FHIT: variants seen among roughly 807,000 people sequenced by gnomAD.
FHIT encodes bis(5'-adenosyl)-triphosphatase.
In FHIT, 19 loss-of-function variants were observed where a neutral mutation model predicts 17.9. That is an observed-to-expected ratio of 1.06 (90% CI 0.74 to 1.56). The LOEUF (loss-of-function observed/expected upper bound fraction) is 1.56, where lower values mean the gene tolerates loss of function less well. Among genes scored for constraint, FHIT ranks in the 40% most tolerant of loss-of-function variants. The pLI is 0.00. For synonymous variants in FHIT, 81 were observed against 69.7 expected (o/e 1.16, Z -0.81); for missense variants, 248 against 189.2 (o/e 1.31, Z -1.82).
intron 4 of FHIT, among the ~76,000 whole-genome samples, chr3:60,723,393 G>A (rs1408550215): frequency 6.6e-6 from 1 of 152,132 alleles, no homozygotes; most frequent in African/African-American, 2.4e-5. Context: ...CTAAATTATA[G>A]AGTGGCCACT....
At chr3:60,139,627 T>C (rs1699952653) in intron 5 of FHIT, among the ~76,000 whole-genome samples, 1 of 152,044 alleles carries the variant, frequency 6.6e-6, no homozygotes, top group African/African-American at 2.4e-5. Context: ...CCCCTGACTA[T>C]GAGGGTGGGA....
intron 3 of FHIT, among the ~76,000 whole-genome samples, chr3:60,957,672 TG>T (rs1246970552): frequency 2.0e-5 from 3 of 152,206 alleles, no homozygotes; most frequent in African/African-American, 4.8e-5. Flanking sequence ...CATACAAAAC[TG>T]GGAGACACAG....
chr3:61,035,105 T>C (rs2033178547), intron 3 of FHIT, among the ~76,000 whole-genome samples: 1 of 152,110 alleles, frequency 6.6e-6, no homozygotes, highest in Admixed American at 6.5e-5. Flanking sequence ...TCCACATAGA[T>C]AGAATACAGA....
intron 5 of FHIT, among the ~76,000 whole-genome samples, chr3:60,330,474 A>G (rs1415210238): frequency 6.6e-6 from 1 of 152,204 alleles, no homozygotes; most frequent in Non-Finnish European, 1.5e-5. Flanking sequence ...ATGTGTGCCC[A>G]TCCAGGCATG....
chr3:60,941,672 T>C (rs1168072673), intron 3 of FHIT, among the ~76,000 whole-genome samples: 1 of 152,238 alleles, frequency 6.6e-6, no homozygotes, highest in Non-Finnish European at 1.5e-5. Flanking sequence ...TTAATGCGTT[T>C]AGCTCATACA....
At chr3:61,061,532 A>G (rs1203047593) in intron 2 of FHIT, among the ~76,000 whole-genome samples, 2 of 151,500 alleles carry the variant, frequency 1.3e-5, no homozygotes, top group South Asian at 2.1e-4. Flanking sequence ...AATTTGTTTT[A>G]ATTAAATTTA....
intron 5 of FHIT, among the ~76,000 whole-genome samples, chr3:60,125,462 T>C (rs1203551716): frequency 2.0e-5 from 3 of 151,910 alleles, no homozygotes; most frequent in Non-Finnish European, 2.9e-5. Context: ...TGAAACCCCA[T>C]CTCTACTAAA....
At chr3:60,605,157 G>A (rs782406019) in intron 4 of FHIT, among the ~76,000 whole-genome samples, 7 of 152,106 alleles carry the variant, frequency 4.6e-5, no homozygotes. Flanking sequence ...CAATACTAAT[G>A]TCCATGAACT....
intron 5 of FHIT, among the ~76,000 whole-genome samples, chr3:60,373,272 G>T (rs1479918227): frequency 6.6e-6 from 1 of 152,174 alleles, no homozygotes; most frequent in East Asian, 1.9e-4. Flanking sequence ...GCTGGGTAAG[G>T]ATAGGGTCAG....
At chr3:60,244,497 C>T (rs1211879959) in intron 5 of FHIT, among the ~76,000 whole-genome samples, 1 of 151,978 alleles carries the variant, frequency 6.6e-6, no homozygotes, top group Non-Finnish European at 1.5e-5. Flanking sequence ...AATCATGAGC[C>T]TTTACAAGAT....
At chr3:59,840,609 T>C (rs1575574976) in intron 8 of FHIT, among the ~76,000 whole-genome samples, 1 of 152,260 alleles carries the variant, frequency 6.6e-6, no homozygotes, top group East Asian at 1.9e-4. Context: ...GTTTATTACA[T>C]TTATAATTTT....
intron 5 of FHIT, among the ~76,000 whole-genome samples, chr3:60,295,268 T>C (rs562602213): frequency 4.1e-4 from 63 of 152,036 alleles, no homozygotes; most frequent in African/African-American, 1.5e-3. Flanking sequence ...TCTTAAAAAA[T>C]AGATATAAAG....
chr3:60,491,785 G>A (rs2034078153), intron 5 of FHIT, among the ~76,000 whole-genome samples: 1 of 152,198 alleles, frequency 6.6e-6, no homozygotes, highest in East Asian at 1.9e-4. Context: ...AATATTTGGG[G>A]TAGGCCACCA....
chr3:59,892,530 G>A (rs1703899400), intron 8 of FHIT, among the ~76,000 whole-genome samples: 1 of 152,184 alleles, frequency 6.6e-6, no homozygotes, highest in Non-Finnish European at 1.5e-5. Context: ...TAGTGTTATA[G>A]AGGTTAGGGG....
At chr3:60,589,012 G>A (rs1483886562) in intron 4 of FHIT, among the ~76,000 whole-genome samples, 1 of 152,026 alleles carries the variant, frequency 6.6e-6, no homozygotes, top group Non-Finnish European at 1.5e-5. Flanking sequence ...ATTCTCCTGA[G>A]AAAGACTCCT....
rs529104228 is a variant in FHIT, at chr3:60,881,961, T to C, written c.-110-59950A>G. 4.2e-4 allele frequency among the ~76,000 whole-genome samples: 64 copies of C among 152,012 alleles called. 1 individual carries two copies. In the South Asian group the frequency reaches 0.012, roughly 29 times the overall value. ...CTTACAAAAGATCAATTTTTAAAAC[T>C]TTTTTTGAAAAGATAACAAAATTAA... On this transcript the variant is annotated intron_variant, in intron 3 of 9. Transcript: ENST00000492590.
At chr3:60,084,949 A>C (rs1345224632) in intron 5 of FHIT, among the ~76,000 whole-genome samples, 1 of 152,108 alleles carries the variant, frequency 6.6e-6, no homozygotes, top group East Asian at 1.9e-4. Flanking sequence ...CTAGAGGCCA[A>C]AGGCAGAGAC....
At position 60,306,183 on chromosome 3, in the gene FHIT, A is replaced by G. The variant is rs553953401; in HGVS notation, c.103+230677T>C. On this transcript the variant is annotated intron_variant, in intron 5 of 9. Transcript: ENST00000492590. ...AATAGGAGAATTTTATTAACTCCAG[A>G]TTCTTTTGACTTTGTCTGACTTTTG... is the stretch of plus-strand genomic sequence containing the variant. 9.4e-4 allele frequency among the ~76,000 whole-genome samples: 143 copies of G among 152,284 alleles called. 1 individual carries two copies. Among genetic ancestry groups the G allele is most frequent in the African/African-American group, 3.2e-3 (133 of 41,578 alleles).
At chr3:60,694,521 C>G (rs1316887176) in intron 4 of FHIT, among the ~76,000 whole-genome samples, 2 of 152,112 alleles carry the variant, frequency 1.3e-5, no homozygotes, top group Non-Finnish European at 2.9e-5. Context: ...CCTCAAGGAT[C>G]TAGAACTAGA....
Sources: gnomAD v4.1 joint callset for allele counts (sites outside exome capture counted in the v4.1 genomes callset) on GRCh38, gnomAD v4.1.1 for gene constraint, MANE v1.5 for transcripts, NCBI Gene and HGNC (gene_info 2026-07-23, HGNC 2026-07-21) for gene names.